Variants in ADORA2B observed in about 807,000 individuals in gnomAD.
The protein encoded by ADORA2B is adenosine receptor A2b.
A neutral mutation model predicts 20.8 loss-of-function variants in ADORA2B; 18 were observed. That is an observed-to-expected ratio of 0.87 (90% CI 0.60 to 1.29). The LOEUF (loss-of-function observed/expected upper bound fraction) is 1.29. ADORA2B is among the 50% of genes most tolerant of loss of function. The pLI, the probability that ADORA2B is intolerant of heterozygous loss-of-function variation, is 0.00. For synonymous variants in ADORA2B, 179 were observed against 178.3 expected (o/e 1.00, Z -0.03); for missense variants, 441 against 422.7 (o/e 1.04, Z -0.38).
chr17:15,936,878 C>T, the ADORA2B span, among the ~76,000 whole-genome samples: 6 of 152,146 alleles, frequency 3.9e-5, no homozygotes, highest in Non-Finnish European at 7.4e-5. Context: ...ATCACTGGAG[C>T]CCAGGAGTTC....
the ADORA2B span, among the ~76,000 whole-genome samples, chr17:15,891,846 T>C: frequency 1.7e-5 from 1 of 58,428 alleles, no homozygotes; most frequent in Non-Finnish European, 3.3e-5. Flanking sequence ...AATGCCCAGC[T>C]TTTTTTTTTT....
chr17:15,933,779 T>C, the ADORA2B span, among the ~76,000 whole-genome samples: 1 of 143,344 alleles, frequency 7.0e-6, no homozygotes, highest in Non-Finnish European at 1.5e-5. Flanking sequence ...TGTGTGTATA[T>C]ATATATATAT....
intron 1 of ADORA2B, among the ~76,000 whole-genome samples, chr17:15,970,274 G>C (rs1970175185): frequency 6.6e-6 from 1 of 152,198 alleles, no homozygotes; most frequent in Non-Finnish European, 1.5e-5. Context: ...TGGTGATGGA[G>C]GTTTACAGAG....
chr17:15,913,253 A>G, the ADORA2B span, among the ~76,000 whole-genome samples: 1 of 152,198 alleles, frequency 6.6e-6, no homozygotes. Flanking sequence ...AGAGCTGTGT[A>G]TTTACTGACT....
the ADORA2B span, among the ~76,000 whole-genome samples, chr17:15,888,463 T>C: frequency 7.8e-6 from 1 of 128,016 alleles, no homozygotes; most frequent in Non-Finnish European, 1.6e-5. Flanking sequence ...TCTTAGGAAC[T>C]GGCCTTCTGA....
At chr17:15,891,785 G>A in the ADORA2B span, among the ~76,000 whole-genome samples, 6 of 150,584 alleles carry the variant, frequency 4.0e-5, no homozygotes, top group Non-Finnish European at 8.9e-5. Context: ...GGGTTCAAGT[G>A]ACTGTCCTGC....
chr17:15,924,366 T>C, the ADORA2B span, among the ~76,000 whole-genome samples: 3 of 152,248 alleles, frequency 2.0e-5, no homozygotes, highest in African/African-American at 7.2e-5. Flanking sequence ...AAATCTTTGA[T>C]GCATTTGGGA....
chr17:15,969,239 A>G (rs1453333435), intron 1 of ADORA2B, among the ~76,000 whole-genome samples: 1 of 152,120 alleles, frequency 6.6e-6, no homozygotes, highest in Admixed American at 6.6e-5. Context: ...TCACGAGGTC[A>G]GGAGATCGAG....
chr17:15,913,224 C>T, the ADORA2B span, among the ~76,000 whole-genome samples: 1 of 152,280 alleles, frequency 6.6e-6, no homozygotes, highest in Non-Finnish European at 1.5e-5. Context: ...ACACCCTGCA[C>T]TCTGAGCTCC....
the ADORA2B span, among the ~76,000 whole-genome samples, chr17:15,928,043 C>T: frequency 2.0e-5 from 3 of 151,976 alleles, no homozygotes; most frequent in Admixed American, 6.5e-5. Flanking sequence ...CTCCTGACCT[C>T]GTGATCCGCC....
chr17:15,868,790 A>T, the ADORA2B span, among the ~76,000 whole-genome samples: 1 of 150,066 alleles, frequency 6.7e-6, no homozygotes, highest in East Asian at 2.0e-4. Flanking sequence ...CAAAAAAAAA[A>T]TACAAAAAAA....
intron 1 of ADORA2B, among the ~76,000 whole-genome samples, chr17:15,958,167 C>T (rs764469822): frequency 3.9e-4 from 60 of 152,076 alleles, no homozygotes; most frequent in Non-Finnish European, 6.5e-4. Context: ...TACAGGCGTG[C>T]GCCACTGCAT....
intron 1 of ADORA2B, among the ~76,000 whole-genome samples, chr17:15,972,053 CA>C (rs1417007955): frequency 6.6e-6 from 1 of 152,140 alleles, no homozygotes; most frequent in Admixed American, 6.5e-5. Flanking sequence ...AGGGATACCA[CA>C]GGTATCAGAT....
chr17:15,924,581 C>CA, the ADORA2B span, among the ~76,000 whole-genome samples: 2 of 151,612 alleles, frequency 1.3e-5, no homozygotes, highest in Non-Finnish European at 3.0e-5. Context: ...AATACACACA[C>CA]AAAAAAAAAT....
chr17:15,865,954 A>C, the ADORA2B span, among the ~76,000 whole-genome samples: 1 of 148,126 alleles, frequency 6.8e-6, no homozygotes, highest in African/African-American at 2.5e-5. Flanking sequence ...CACAGTATTG[A>C]ATCAGTGAGA....
At chr17:15,905,427 C>T in the ADORA2B span, among the ~76,000 whole-genome samples, 7 of 152,308 alleles carry the variant, frequency 4.6e-5, no homozygotes, top group African/African-American at 1.7e-4. Flanking sequence ...TGTCACCAGA[C>T]TGGAGTGCAG....
the ADORA2B span, among the ~76,000 whole-genome samples, chr17:15,859,049 C>G: frequency 1.3e-5 from 2 of 152,110 alleles, no homozygotes; most frequent in African/African-American, 4.8e-5. Context: ...GTCTTGAACT[C>G]CTGGCCTCAA....
At chr17:15,929,962 T>A in the ADORA2B span, among the ~76,000 whole-genome samples, 1 of 152,144 alleles carries the variant, frequency 6.6e-6, no homozygotes, top group East Asian at 1.9e-4. Context: ...TGCACAATAA[T>A]GTGAATGTAC....
At chr17:15,865,546 G>A in the ADORA2B span, among the ~76,000 whole-genome samples, 1 of 152,034 alleles carries the variant, frequency 6.6e-6, no homozygotes, top group African/African-American at 2.4e-5. Context: ...ACAGGCATGA[G>A]CCACCACTCC....
Sources: allele counts gnomAD v4.1 joint callset (sites outside exome capture counted in the v4.1 genomes callset), GRCh38; gene constraint gnomAD v4.1.1; transcripts MANE v1.5; gene names NCBI Gene and HGNC (gene_info 2026-07-23, HGNC 2026-07-21).